The following PRPF31 variants were observed in gnomAD, a reference collection of about 807,000 sequenced individuals.
PRPF31 encodes the protein pre-mRNA processing factor 31.
PRPF31 carries 12 observed loss-of-function variants against 60.4 expected under a neutral mutation model. The ratio of observed to expected loss-of-function variants is 0.20; its 90% CI spans 0.13 to 0.32. The LOEUF is 0.32. Among genes scored for constraint, PRPF31 ranks in the 10% least tolerant of loss-of-function variants. PRPF31 has a pLI of 1.00. For synonymous variants in PRPF31, 287 were observed against 287.9 expected (o/e 1.00, Z 0.03); for missense variants, 431 against 687.1 (o/e 0.63, Z 4.17).
At chr19:54,128,510 C>CA (rs56079120) in intron 11 of PRPF31, 133 bp downstream of exon 11, 69 of 938,624 alleles carry the variant, frequency 7.4e-5, no homozygotes, top group South Asian at 1.1e-4. Context: ...CCTCCCCCCC[C>CA]CCGGCCTCTA....
Position 54,131,598 on chromosome 19 carries a change from C to T in PRPF31, c.*166C>T. 1 of 1,060,110 alleles carries T rather than the reference C, an allele frequency of 9.4e-7. No individual in the cohort carries two copies. Among genetic ancestry groups the T allele is most frequent in the Non-Finnish European group, 1.4e-6 (1 of 716,146 alleles). 65.7% of individuals were successfully genotyped at this position (1,060,110 alleles called of 1,614,324 possible). A position where few individuals can be genotyped will look rare whatever the true frequency, so the allele number is the denominator to read the frequency against. ...TGGAAGAGTCCGGCCTGGCCTCCCCCAGGACCGAGATCACCGCCCAGTATG... is the reference window on the plus strand; with the variant it reads ...TGGAAGAGTCCGGCCTGGCCTCCCCTAGGACCGAGATCACCGCCCAGTATG... On this transcript the variant is annotated 3_prime_UTR_variant, in exon 14 of 14. Coordinates refer to ENST00000321030, the MANE Select transcript of PRPF31 (RefSeq NM_015629.4).
In PRPF31 at chr19:54,123,909, A is replaced by T; in HGVS notation, c.688A>T (p.Lys230Ter). Residue 230 changes from lysine (K) to a stop codon, truncating the protein, a stop_gained, in exon 7 of 14, where the codon AAG becomes TAG. Transcript: ENST00000321030. LOFTEE classifies it high-confidence loss of function. ...CATTATCGGGGCATCCACGGCCGCC[A>T]AGATCATGGGTGAGTCCCCGGGCTG... The part of the protein sequence containing the change: ...SIIIGASTAA[K>*]IMGVAGGLTN... 6.2e-7 allele frequency: 1 copy of T among 1,613,802 alleles called. No homozygotes were observed. The highest frequency in any genetic ancestry group is 8.5e-7 in the Non-Finnish European group (1 of 1,180,014).
At chr19:54,123,357 T>C (rs1425330406) in intron 5 of PRPF31, 97 bp from the exon 6 acceptor site, 7 of 909,416 alleles carry the variant, frequency 7.7e-6, no homozygotes, top group African/African-American at 1.6e-5. Context: ...ACTGTCCCAG[T>C]GTCCCTAAGA....
rs1271698442 is a variant in PRPF31, at chr19:54,124,519, A to C, written c.718A>C (p.Asn240His). The C allele has an allele frequency of 2.5e-6, 4 of 1,576,438 alleles. No individual in the cohort carries two copies. The highest frequency in any genetic ancestry group is 3.4e-5 in the Admixed American group (2 of 58,752). The change falls in exon 8 of 14, where the codon AAC (asparagine) becomes CAC (histidine). Residue 240 changes from asparagine to histidine, a missense_variant. Asn to His is a moderately conservative substitution (Grantham distance 68). Coordinates refer to ENST00000321030, the MANE Select transcript of PRPF31 (RefSeq NM_015629.4). ...CGCAGGTGTGGCCGGCGGCCTGACC[A>C]ACCTCTCCAAGATGCCCGCCTGCAA... ...KIMGVAGGLT[N>H]LSKMPACNIM...
chr19:54,126,864 C>G (rs2073934827), intron 9 of PRPF31, among the ~76,000 whole-genome samples: 1 of 152,210 alleles, frequency 6.6e-6, no homozygotes, highest in Non-Finnish European at 1.5e-5. Context: ...GGTGCAGTAG[C>G]TCACGCCTGT....
rs587685524 is a variant in PRPF31 at position 54,126,632 on chromosome 19, G to A, written c.945+15G>A. The A allele has an allele frequency of 1.2e-6, 2 of 1,611,132 alleles. No individual in the cohort carries two copies. The highest frequency in any genetic ancestry group is 1.1e-5 in the South Asian group (1 of 90,680). On this transcript the variant is annotated intron_variant, in intron 9 of 13. Coordinates refer to ENST00000321030, the MANE Select transcript of PRPF31 (RefSeq NM_015629.4). ...CAGAAGGGAAGGTGAGGAGGGAAAG[G>A]TGAGGGGCGGCCGGGCGTCTTTTCC... is the stretch of plus-strand genomic sequence containing the variant.
intron 3 of PRPF31, 44 bp downstream of exon 3, chr19:54,118,677 C>T: frequency 6.3e-7 from 1 of 1,598,372 alleles, no homozygotes; most frequent in Non-Finnish European, 8.6e-7. Flanking sequence ...CCTGTCTCTC[C>T]TGCCAGGCCC....
chr19:54,121,429 G>A (rs2146406941), intron 3 of PRPF31, among the ~76,000 whole-genome samples: 1 of 152,122 alleles, frequency 6.6e-6, no homozygotes, highest in East Asian at 1.9e-4. Context: ...AGGCCAGACT[G>A]CAGAGCTGCT....
In PRPF31 at chr19:54,126,550, G is replaced by A. The variant is rs773721834; in HGVS notation, c.878G>A (p.Arg293Gln). Residue 293 changes from arginine (R) to glutamine (Q), a missense_variant, in exon 9 of 14, where the codon CGG (arginine) becomes CAG (glutamine). Arg to Gln is a conservative substitution (Grantham distance 43, BLOSUM62 1). Around this residue, in one of 4 missense-constraint regions of PRPF31, gnomAD observed 314 missense variants for 475.3 expected, o/e 0.66. Transcript: ENST00000321030. ...LPPDLRRKAA[R>Q]LVAAKCTLAA... ...CAGGATCTGCGGCGGAAAGCGGCCC[G>A]GCTGGTGGCCGCCAAGTGCACACTG... is the stretch of plus-strand genomic sequence containing the variant. 3.7e-6 allele frequency: 6 copies of A among 1,613,042 alleles called. No homozygotes were observed. The highest frequency in any genetic ancestry group is 4.5e-5 in the East Asian group (2 of 44,864).
chr19:54,128,059 C>T lies in PRPF31; in HGVS notation c.946-14C>T, dbSNP rs765565757. ...ACGCGAGCAGCTGCAGGACCTCCCC[C>T]TCGCCCTCCCCAGGTGGGCTACGAA... On this transcript the variant is annotated splice_polypyrimidine_tract_variant and intron_variant, in intron 9 of 13. Coordinates refer to ENST00000321030, the MANE Select transcript of PRPF31 (RefSeq NM_015629.4). The T allele has an allele frequency of 6.5e-7, 1 of 1,548,462 alleles. No individual in the cohort carries two copies. The highest frequency in any genetic ancestry group is 2.4e-5 in the East Asian group (1 of 40,938).
chr19:54,118,865 C>T (rs369747128), intron 3 of PRPF31: 32 of 566,648 alleles, frequency 5.6e-5, no homozygotes, highest in Non-Finnish European at 9.0e-5. Flanking sequence ...TGATAGGACT[C>T]AGCTTGAGGT....
chr19:54,123,534 C>T lies in PRPF31; in HGVS notation c.501C>T (p.Val167=). ...QILTNATIMV[V]SVTASTTQGQ... ...TCACCAATGCCACCATCATGGTCGT[C>T]AGCGTCACCGCCTCCACCACCCAGG... The change falls in exon 6 of 14, where the codon GTC becomes GTT. Residue 167 remains valine (V), a synonymous_variant. Coordinates refer to ENST00000321030, the MANE Select transcript of PRPF31 (RefSeq NM_015629.4). 6.2e-7 allele frequency: 1 copy of T among 1,614,226 alleles called. No homozygotes were observed. Among genetic ancestry groups the T allele is most frequent in the East Asian group, 2.2e-5 (1 of 44,890 alleles).
intron 3 of PRPF31, among the ~76,000 whole-genome samples, chr19:54,121,506 G>T (rs1360512747): frequency 6.6e-6 from 1 of 152,158 alleles, no homozygotes; most frequent in African/African-American, 2.4e-5. Flanking sequence ...TCGGCTGTGG[G>T]TACAGCCAAC....
At chr19:54,124,106 A>C in intron 7 of PRPF31, 188 bp downstream of exon 7, 2 of 1,238,978 alleles carry the variant, frequency 1.6e-6, no homozygotes. Flanking sequence ...ACACTCACCC[A>C]CAGCTCCTTC....
intron 8 of PRPF31, 78 bp downstream of exon 8, chr19:54,124,734 C>A: frequency 6.6e-7 from 1 of 1,514,656 alleles, no homozygotes. Context: ...GAGCAGCCAC[C>A]CACCATCTGG....
rs45513391 is a variant in PRPF31, at chr19:54,128,006, G to A, written c.946-67G>A. The A allele has an allele frequency of 0.35, 540,709 of 1,546,256 alleles. 96,252 individuals carry two copies. Among genetic ancestry groups the A allele is most frequent in the Middle Eastern group, 0.41 (1,770 of 4,362 alleles). On this transcript the variant is annotated intron_variant, in intron 9 of 13. Coordinates refer to ENST00000321030, the MANE Select transcript of PRPF31 (RefSeq NM_015629.4). Reference sequence around the variant, plus strand: ...AGGCACGTGGATACTCGGGGGGCCCGCTCAGAGGAGGCCTGGGTGGGCAGC... The same window carrying A: ...AGGCACGTGGATACTCGGGGGGCCCACTCAGAGGAGGCCTGGGTGGGCAGC...
chr19:54,128,515 C>CCT, intron 11 of PRPF31, 138 bp downstream of exon 11: 2 of 878,882 alleles, frequency 2.3e-6, no homozygotes, highest in Non-Finnish European at 3.6e-6. Context: ...CCCCCCCCGG[C>CCT]CTCTATTCTC....
At position 54,121,733 on chromosome 19, in the gene PRPF31, C is replaced by A. The variant is rs1007748412; in HGVS notation, c.239-127C>A. 7.1e-6 allele frequency: 6 copies of A among 846,638 alleles called. No individual in the cohort carries two copies. The Admixed American group carries it at 1.0e-4, about 14-fold the overall frequency. 52.4% of individuals were successfully genotyped at this position (846,638 alleles called of 1,614,324 possible). A position where few individuals can be genotyped will look rare whatever the true frequency, so the allele number is the denominator to read the frequency against. ...GGGATGTCTGCAGACATCAGCCTGT[C>A]CCTGGTTTACTCTTCAGCCCCTCCT... On this transcript the variant is annotated intron_variant, in intron 3 of 13. Transcript: ENST00000321030.
At chr19:54,124,953 A>G in intron 8 of PRPF31, 1 of 556,342 alleles carries the variant, frequency 1.8e-6, no homozygotes, top group Non-Finnish European at 3.2e-6. Context: ...CACATGAAGC[A>G]CTTACAGTTC....
Sources: gnomAD v4.1 joint callset for allele counts (sites outside exome capture counted in the v4.1 genomes callset) on GRCh38, gnomAD v4.1.1 for gene constraint, gnomAD v4.1.1 regional missense constraint, MANE v1.5 for transcripts, NCBI Gene and HGNC (gene_info 2026-07-23, HGNC 2026-07-21) for gene names.